FILIP1L: variants seen among roughly 807,000 people sequenced by gnomAD.
FILIP1L encodes the protein filamin A interacting protein 1 like, also known as filamin A-interacting protein 1-like.
Under a neutral mutation model 96.6 loss-of-function variants are expected in FILIP1L, and 55 were observed. That is an observed-to-expected ratio of 0.57 (90% CI 0.46 to 0.71). The LOEUF is 0.71. Among genes scored for constraint, FILIP1L ranks in the 30% least tolerant of loss-of-function variants. FILIP1L has a pLI of 0.00. For missense variants in FILIP1L, 1,304 were observed against 1,321.2 expected (o/e 0.99, Z 0.20); for synonymous variants, 467 against 473.9 (o/e 0.99, Z 0.19).
chr3:99,967,207 C>T (rs1363072286), intron 1 of FILIP1L, among the ~76,000 whole-genome samples: 1 of 152,228 alleles, frequency 6.6e-6, no homozygotes, highest in African/African-American at 2.4e-5. Flanking sequence ...AGCCCCACCT[C>T]TGACTTTGAG....
chr3:99,873,649 T>G (rs1026982257), intron 4 of FILIP1L, among the ~76,000 whole-genome samples: 2 of 152,192 alleles, frequency 1.3e-5, no homozygotes, highest in Non-Finnish European at 2.9e-5. Flanking sequence ...AAAATCCATT[T>G]ATTACCAAAG....
chr3:100,109,494 G>A (rs764487776), intron 1 of FILIP1L, among the ~76,000 whole-genome samples: 9 of 152,040 alleles, frequency 5.9e-5, no homozygotes, highest in Admixed American at 3.3e-4. Flanking sequence ...TCCCCTCAGC[G>A]TCAGCTGTTG....
chr3:100,109,322 A>G (rs956868601), intron 1 of FILIP1L, among the ~76,000 whole-genome samples: 1 of 152,190 alleles, frequency 6.6e-6, no homozygotes, highest in African/African-American at 2.4e-5. Context: ...ATAGAGCCAC[A>G]CAATAAGGTA....
intron 1 of FILIP1L, among the ~76,000 whole-genome samples, chr3:100,075,210 T>A (rs1221232846): frequency 6.6e-6 from 1 of 152,188 alleles, no homozygotes; most frequent in Non-Finnish European, 1.5e-5. Flanking sequence ...CCTGGTCAGC[T>A]TTTGCTAAAA....
At position 100,090,281 on chromosome 3, in the gene FILIP1L, G is replaced by A. The variant is rs143140839; in HGVS notation, c.-11+23772C>T. Among the ~76,000 whole-genome samples, 536 of 152,280 alleles carry A rather than the reference G, an allele frequency of 3.5e-3. 2 individuals carry two copies. Among genetic ancestry groups the A allele is most frequent in the African/African-American group, 0.012 (510 of 41,552 alleles). Reference sequence around the variant, plus strand: ...TCAAATTTAACTGTCCCGATCTTCTGAGTCTTTAAGATAGTCAAGGGAACA... The same window carrying A: ...TCAAATTTAACTGTCCCGATCTTCTAAGTCTTTAAGATAGTCAAGGGAACA... On this transcript the variant is annotated intron_variant, in intron 1 of 5. Coordinates refer to ENST00000477258, the MANE Select transcript of FILIP1L (RefSeq NM_001387850.1).
At chr3:100,044,519 G>A (rs1694631960) in intron 1 of FILIP1L, among the ~76,000 whole-genome samples, 1 of 152,072 alleles carries the variant, frequency 6.6e-6, no homozygotes, top group Admixed American at 6.6e-5. Context: ...AAGTCAGGAA[G>A]GAACTTGAGA....
chr3:99,880,528 GACT>G (rs1365245895), intron 4 of FILIP1L, among the ~76,000 whole-genome samples: 2 of 152,100 alleles, frequency 1.3e-5, no homozygotes, highest in Non-Finnish European at 2.9e-5. Flanking sequence ...AGCTGACTAT[GACT>G]CTAGAACAGT....
chr3:99,864,958 T>C (rs946690956), intron 4 of FILIP1L, among the ~76,000 whole-genome samples: 15 of 152,224 alleles, frequency 9.9e-5, no homozygotes, highest in African/African-American at 3.6e-4. Context: ...ATTGGTCTAT[T>C]TTGTTTAATA....
chr3:99,836,858 C>A (rs1942920795), intron 5 of FILIP1L, among the ~76,000 whole-genome samples: 1 of 152,190 alleles, frequency 6.6e-6, no homozygotes, highest in East Asian at 1.9e-4. Flanking sequence ...ACCAATCAGA[C>A]AAATTACATA....
chr3:99,886,761 T>G (rs566866925), intron 4 of FILIP1L, among the ~76,000 whole-genome samples: 303 of 148,334 alleles, frequency 2.0e-3, no homozygotes, highest in African/African-American at 7.1e-3. Context: ...CGAGACCAGC[T>G]TGGCCAACAT....
At chr3:100,062,642 GAT>G (rs1287020992) in intron 1 of FILIP1L, among the ~76,000 whole-genome samples, 3 of 152,142 alleles carry the variant, frequency 2.0e-5, no homozygotes. Context: ...TTTTAACATT[GAT>G]TCTAAGCTGC....
At chr3:100,089,455 C>T (rs1017756967) in intron 1 of FILIP1L, among the ~76,000 whole-genome samples, 17 of 152,226 alleles carry the variant, frequency 1.1e-4, no homozygotes, top group African/African-American at 3.6e-4. Context: ...AATGGATTAA[C>T]TGAATTTAAA....
chr3:99,836,555 G>T (rs540627189), intron 5 of FILIP1L, among the ~76,000 whole-genome samples: 164 of 152,230 alleles, frequency 1.1e-3, no homozygotes, highest in African/African-American at 3.8e-3. Context: ...CCACTCAACT[G>T]CCGCTCTTTT....
chr3:99,930,852 G>C lies in FILIP1L; in HGVS notation c.169C>G (p.His57Asp), dbSNP rs369213838. Reference sequence around the variant, plus strand: ...TCTGCTTGGTGGCCATTACCACTGTGTGGCTTCTCTGCCTTGGGACACGGA... The same window carrying C: ...TCTGCTTGGTGGCCATTACCACTGTCTGGCTTCTCTGCCTTGGGACACGGA... Reference protein sequence around the residue: ...ILPCPKAEKPHSGNGHQAEDL... With the variant: ...ILPCPKAEKPDSGNGHQAEDL... The change falls in exon 2 of 6, where the codon CAC becomes GAC. Residue 57 changes from histidine (H) to aspartate (D), a missense_variant. Transcript: ENST00000477258. The C allele has an allele frequency of 6.2e-7, 1 of 1,612,966 alleles. No individual in the cohort carries two copies. Among genetic ancestry groups the C allele is most frequent in the Non-Finnish European group, 8.5e-7 (1 of 1,179,724 alleles).
chr3:99,995,930 G>A (rs957044543), intron 1 of FILIP1L, among the ~76,000 whole-genome samples: 19 of 152,204 alleles, frequency 1.2e-4, no homozygotes, highest in African/African-American at 2.4e-4. Context: ...GACTGGAGGG[G>A]CTTGTGTGAA....
At chr3:99,882,432 G>T (rs1342354334) in intron 4 of FILIP1L, among the ~76,000 whole-genome samples, 1 of 152,164 alleles carries the variant, frequency 6.6e-6, no homozygotes, top group South Asian at 2.1e-4. Context: ...TCATATAATG[G>T]CTGGAAATGT....
At chr3:99,985,716 G>A (rs900031693) in intron 1 of FILIP1L, among the ~76,000 whole-genome samples, 4 of 152,062 alleles carry the variant, frequency 2.6e-5, no homozygotes, top group Admixed American at 1.3e-4. Context: ...AGCCTCCTGA[G>A]TAAATGGGAT....
intron 1 of FILIP1L, among the ~76,000 whole-genome samples, chr3:99,932,364 A>G (rs1208249437): frequency 1.3e-5 from 2 of 152,164 alleles, no homozygotes; most frequent in Non-Finnish European, 2.9e-5. Context: ...TTTTCATCCT[A>G]GATTATATTT....
chr3:99,944,215 C>A (rs561013010), intron 1 of FILIP1L, among the ~76,000 whole-genome samples: 1 of 152,138 alleles, frequency 6.6e-6, no homozygotes, highest in Non-Finnish European at 1.5e-5. Context: ...TTGTGCCTAA[C>A]TGAGATGGAG....
Sources: allele counts gnomAD v4.1 joint callset (sites outside exome capture counted in the v4.1 genomes callset), GRCh38; gene constraint gnomAD v4.1.1; transcripts MANE v1.5; gene names NCBI Gene and HGNC (gene_info 2026-07-23, HGNC 2026-07-21).